Variants in MED26 observed in about 807,000 individuals in gnomAD.
MED26 encodes the protein mediator of RNA polymerase II transcription subunit 26.
In MED26, 7 loss-of-function variants were observed where a neutral mutation model predicts 43.7. The observed-to-expected ratio is 0.16, with a 90% CI of 0.09 to 0.30. The LOEUF is 0.30. MED26 is among the 10% of genes least tolerant of loss of function. MED26 has a pLI of 1.00. For missense variants in MED26, 784 were observed against 840.6 expected (o/e 0.93, Z 0.83); for synonymous variants, 375 against 371.1 (o/e 1.01, Z -0.12).
chr19:16,626,513 C>T (rs2086276031), intron 1 of MED26, among the ~76,000 whole-genome samples: 1 of 152,064 alleles, frequency 6.6e-6, no homozygotes, highest in Admixed American at 6.6e-5. Flanking sequence ...ACCTGAATAC[C>T]AGGGATAAGA....
intron 1 of MED26, among the ~76,000 whole-genome samples, chr19:16,619,060 G>C (rs886072799): frequency 2.0e-5 from 3 of 152,226 alleles, no homozygotes; most frequent in African/African-American, 7.2e-5. Flanking sequence ...CACCAGCACA[G>C]TGCTAACCTC....
intron 1 of MED26, among the ~76,000 whole-genome samples, chr19:16,608,367 T>C (rs1267359534): frequency 6.6e-6 from 1 of 152,256 alleles, no homozygotes; most frequent in Non-Finnish European, 1.5e-5. Context: ...CTTAGTACTA[T>C]CTAGGTTTCT....
At chr19:16,578,441 C>T (rs774520609) in intron 1 of MED26, 32 bp from the exon 2 acceptor site, 1 of 1,608,290 alleles carries the variant, frequency 6.2e-7, no homozygotes, top group Non-Finnish European at 8.5e-7. Context: ...TGTCAGGTCC[C>T]TGTCCTTCTC....
At chr19:16,626,946 C>T (rs1194185453) in intron 1 of MED26, among the ~76,000 whole-genome samples, 1 of 130,460 alleles carries the variant, frequency 7.7e-6, no homozygotes, top group African/African-American at 3.0e-5. Flanking sequence ...CAACAACACA[C>T]ACACACACAC....
chr19:16,616,695 A>G (rs942154622), intron 1 of MED26, among the ~76,000 whole-genome samples: 3 of 152,204 alleles, frequency 2.0e-5, no homozygotes, highest in African/African-American at 7.2e-5. Context: ...TCCAGGTGCC[A>G]ACGAAGCTGT....
intron 1 of MED26, among the ~76,000 whole-genome samples, chr19:16,592,571 A>G (rs1568283327): frequency 6.6e-6 from 1 of 152,236 alleles, no homozygotes; most frequent in Non-Finnish European, 1.5e-5. Flanking sequence ...AACAAAGTTC[A>G]GCAGCAGCAG....
At chr19:16,597,994 G>A (rs2086130061) in intron 1 of MED26, among the ~76,000 whole-genome samples, 1 of 151,918 alleles carries the variant, frequency 6.6e-6, no homozygotes, top group African/African-American at 2.4e-5. Flanking sequence ...CAAAGTGCTG[G>A]GATTACAGGC....
chr19:16,616,983 G>T (rs1313130074), intron 1 of MED26, among the ~76,000 whole-genome samples: 1 of 152,054 alleles, frequency 6.6e-6, no homozygotes, highest in Non-Finnish European at 1.5e-5. Context: ...TGTGCCCAAG[G>T]ACAGCTCATC....
intron 1 of MED26, among the ~76,000 whole-genome samples, chr19:16,593,770 A>T (rs75538401): frequency 0.052 from 7,905 of 152,202 alleles, 286 homozygotes; most frequent in South Asian, 0.065. Context: ...GTCCAGGTCA[A>T]GGGTGCCATC....
At position 16,578,316 on chromosome 19, in the gene MED26, T is replaced by G; in HGVS notation, c.147+19A>C. 1 of 1,612,108 alleles carries G rather than the reference T, an allele frequency of 6.2e-7. No homozygotes were observed. The highest frequency in any genetic ancestry group is 8.5e-7 in the Non-Finnish European group (1 of 1,178,254). ...CCCCCCGTTCTGCCCTCCCAAATGCTGGGGTCTGGGATACTCACCTCAAGT... is the reference window on the plus strand; with the variant it reads ...CCCCCCGTTCTGCCCTCCCAAATGCGGGGGTCTGGGATACTCACCTCAAGT... On this transcript the variant is annotated intron_variant, in intron 2 of 2. Transcript: ENST00000263390.
At chr19:16,622,719 G>A (rs912869025) in intron 1 of MED26, among the ~76,000 whole-genome samples, 3 of 152,198 alleles carry the variant, frequency 2.0e-5, no homozygotes, top group Non-Finnish European at 2.9e-5. Context: ...CCAGGCAGAC[G>A]TGGGACAGCC....
intron 1 of MED26, among the ~76,000 whole-genome samples, chr19:16,593,070 C>G (rs1051219511): frequency 6.6e-6 from 1 of 152,218 alleles, no homozygotes; most frequent in East Asian, 1.9e-4. Context: ...GACACCAGCA[C>G]CTGGTCCCCA....
intron 1 of MED26, among the ~76,000 whole-genome samples, chr19:16,603,468 T>G (rs2086158841): frequency 6.6e-6 from 1 of 151,922 alleles, no homozygotes; most frequent in African/African-American, 2.4e-5. Flanking sequence ...AGGGCTTTTT[T>G]TAAAAAAAAA....
Position 16,576,323 on chromosome 19 carries a change from G to T in MED26, c.1507C>A (p.Gln503Lys). ...QSSLLSSSGA[Q>K]TPGAHHFMSE... ...ATGAAGTGGTGAGCCCCTGGGGTCT[G>T]CGCGCCCGATGATGAGAGCAGGCTG... Residue 503 changes from glutamine to lysine, a missense_variant, in exon 3 of 3, where the codon CAG (glutamine) becomes AAG (lysine). Transcript: ENST00000263390. This position sits in a 1 kb window ranked among gnomAD's most constrained non-coding sequence, Gnocchi z 6.8. 1 of 1,613,648 alleles carries T rather than the reference G, an allele frequency of 6.2e-7. No homozygotes were observed. The highest frequency in any genetic ancestry group is 8.5e-7 in the Non-Finnish European group (1 of 1,180,020).
rs973451203 is a variant in MED26, at chr19:16,627,048, G to A, written c.72+824C>T. Reference sequence around the variant, plus strand: ...CTCTGGAGTTAACCCCGACAGTCTGGGTCAAAAACCACCAGGCTGAGACCC... The same window carrying A: ...CTCTGGAGTTAACCCCGACAGTCTGAGTCAAAAACCACCAGGCTGAGACCC... On this transcript the variant is annotated intron_variant, in intron 1 of 2. Coordinates refer to ENST00000263390, the MANE Select transcript of MED26 (RefSeq NM_004831.5). 5.9e-5 allele frequency among the ~76,000 whole-genome samples: 9 copies of A among 152,000 alleles called. No individual in the cohort carries two copies. In the South Asian group the frequency reaches 1.7e-3, roughly 28 times the overall value.
chr19:16,626,986 CAGT>C (rs1031926977), intron 1 of MED26, among the ~76,000 whole-genome samples: 3 of 139,942 alleles, frequency 2.1e-5, no homozygotes, highest in Non-Finnish European at 4.5e-5. Flanking sequence ...CCTCCGCAAA[CAGT>C]AGCCTCAGCA....
intron 1 of MED26, chr19:16,588,256 A>G (rs1235723744): frequency 6.6e-6 from 1 of 152,306 alleles, no homozygotes; most frequent in Non-Finnish European, 1.5e-5. Flanking sequence ...GGAGCAGCTG[A>G]TAAGAATGCC....
intron 1 of MED26, chr19:16,588,809 C>T (rs150250259): frequency 0.026 from 4,036 of 152,356 alleles, 154 homozygotes; most frequent in Admixed American, 0.084. Context: ...GAGAGCAGCC[C>T]CCCGCCTGCC....
At chr19:16,594,912 C>A (rs1039790200) in intron 1 of MED26, among the ~76,000 whole-genome samples, 3 of 152,184 alleles carry the variant, frequency 2.0e-5, no homozygotes, top group Admixed American at 6.5e-5. Flanking sequence ...ACCCAGGGAA[C>A]CTGTCACCAA....
Sources: allele counts gnomAD v4.1 joint callset (sites outside exome capture counted in the v4.1 genomes callset), GRCh38; gene constraint gnomAD v4.1.1; non-coding constraint Gnocchi (gnomAD v3.1); transcripts MANE v1.5; gene names NCBI Gene and HGNC (gene_info 2026-07-23, HGNC 2026-07-21).